The following ZNF787 variants were observed in gnomAD, a reference collection of about 807,000 sequenced individuals.
ZNF787 encodes zinc finger protein 787.
A neutral mutation model predicts 16.9 loss-of-function variants in ZNF787; 7 were observed. The ratio of observed to expected loss-of-function variants is 0.42; its 90% CI spans 0.24 to 0.78. The LOEUF is 0.78. Ranked by LOEUF, ZNF787 falls within the 30% of genes least tolerant of loss-of-function variation. The pLI is 0.30. For missense variants in ZNF787, 551 were observed against 589.3 expected (o/e 0.94, Z 0.67); for synonymous variants, 345 against 270.9 (o/e 1.27, Z -2.69).
chr19:56,100,448 T>C (rs1209857818), intron 2 of ZNF787, among the ~76,000 whole-genome samples: 1 of 152,164 alleles, frequency 6.6e-6, no homozygotes, highest in Non-Finnish European at 1.5e-5. Flanking sequence ...GCCTGGACGC[T>C]AATTCCGCAG....
rs1282455189 is a variant in ZNF787 at position 56,098,785 on chromosome 19, G to T, written c.79+4354C>A. Among the ~76,000 whole-genome samples, 4 of 140,578 alleles carry T rather than the reference G, an allele frequency of 2.8e-5. 1 individual carries two copies. Among genetic ancestry groups the T allele is most frequent in the Non-Finnish European group, 4.7e-5 (3 of 63,326 alleles). 92.2% of individuals were successfully genotyped at this position (140,578 alleles called of 152,430 possible). ...TGGAGCCTAGGTGATATGGCCACCGGGTGATTACGGCCGCAGGGTGATGCT... is the reference window on the plus strand; with the variant it reads ...TGGAGCCTAGGTGATATGGCCACCGTGTGATTACGGCCGCAGGGTGATGCT... On this transcript the variant is annotated intron_variant, in intron 2 of 2. Coordinates refer to ENST00000610935, the MANE Select transcript of ZNF787 (RefSeq NM_001002836.4).
At chr19:56,100,819 C>A (rs1986064796) in intron 2 of ZNF787, among the ~76,000 whole-genome samples, 1 of 149,758 alleles carries the variant, frequency 6.7e-6, no homozygotes, top group Admixed American at 6.7e-5. Flanking sequence ...GCCAGGCCAA[C>A]CCCCGCCACT....
At chr19:56,108,974 G>T (rs192165056) in intron 1 of ZNF787, among the ~76,000 whole-genome samples, 1 of 152,076 alleles carries the variant, frequency 6.6e-6, no homozygotes, top group Non-Finnish European at 1.5e-5. Flanking sequence ...GTGAGGTTCC[G>T]AATGGGGAAA....
Position 56,088,425 on chromosome 19 carries a change from C to A in ZNF787, c.747G>T (p.Pro249=). The A allele has an allele frequency of 8.6e-7, 1 of 1,168,858 alleles. No homozygotes were observed. The highest frequency in any genetic ancestry group is 3.5e-5 in the South Asian group (1 of 28,278). The allele number at this position is 1,168,858 out of a possible 1,614,324, so 72.4% of individuals were successfully genotyped here. A position where few individuals can be genotyped will look rare whatever the true frequency, so the allele number is the denominator to read the frequency against. The change falls in exon 3 of 3, where the codon CCG becomes CCT. Residue 249 remains proline, a synonymous_variant. Transcript: ENST00000610935. This position sits in a 1 kb window ranked among gnomAD's most constrained non-coding sequence, Gnocchi z 8.6. The stretch of plus-strand genomic sequence containing the variant: ...CTGCCGCGGCCGCGGCCCCCTCGCC[C>A]GGCGCGCCCACCACGATGATGCCCT... The part of the protein sequence containing the change: ...DGEGIIVVGA[P]GEGAAAAAAM...
At chr19:56,092,015 A>AGCC (rs1226836021) in intron 2 of ZNF787, among the ~76,000 whole-genome samples, 2 of 83,948 alleles carry the variant, frequency 2.4e-5, no homozygotes, top group Non-Finnish European at 6.0e-5. Context: ...CCAAAGCCGA[A>AGCC]ACCGAAGCCG....
chr19:56,118,671 G>A (rs1456080772), intron 1 of ZNF787, among the ~76,000 whole-genome samples: 3 of 152,116 alleles, frequency 2.0e-5, no homozygotes, highest in East Asian at 1.9e-4. Context: ...AAGTGTTGTC[G>A]AATCTGCAGT....
chr19:56,111,114 T>TA (rs1189232234), intron 1 of ZNF787, among the ~76,000 whole-genome samples: 1 of 152,240 alleles, frequency 6.6e-6, no homozygotes, highest in African/African-American at 2.4e-5. Flanking sequence ...CTAAAATGTT[T>TA]ACTATGTGGC....
rs1439540748 is a variant in ZNF787, at chr19:56,087,958, C to CT, written c.*64dup. On this transcript the variant is annotated 3_prime_UTR_variant, in exon 3 of 3. Coordinates refer to ENST00000610935, the MANE Select transcript of ZNF787 (RefSeq NM_001002836.4). The stretch of plus-strand genomic sequence containing the variant: ...TCCGCTTCTCCCTGGGTCTCTTGGT[C>CT]TTGCACGTCGTCGCTCCCGCCAAGC... The CT allele has an allele frequency of 7.7e-7, 1 of 1,298,194 alleles. No homozygotes were observed. The highest frequency in any genetic ancestry group is 1.6e-5 in the African/African-American group (1 of 62,980). 80.4% of individuals were successfully genotyped at this position (1,298,194 alleles called of 1,614,324 possible).
intron 2 of ZNF787, among the ~76,000 whole-genome samples, chr19:56,100,522 G>A (rs1050677195): frequency 6.6e-6 from 1 of 152,022 alleles, no homozygotes; most frequent in Admixed American, 6.5e-5. Context: ...TGGCGGGCAT[G>A]CTCCCCTGCC....
intron 1 of ZNF787, among the ~76,000 whole-genome samples, chr19:56,115,999 T>C (rs1224971927): frequency 2.0e-5 from 3 of 152,138 alleles, no homozygotes; most frequent in Non-Finnish European, 2.9e-5. Flanking sequence ...CAGGTGTCCG[T>C]GTAGGTTCAT....
intron 1 of ZNF787, chr19:56,105,421 G>A (rs1986264867): frequency 6.6e-6 from 1 of 152,310 alleles, no homozygotes; most frequent in Middle Eastern, 3.4e-3. Context: ...CGTCCTGCCG[G>A]CCTGAGTGCA....
chr19:56,088,092 C>T lies in ZNF787; in HGVS notation c.1080G>A (p.Glu360=), dbSNP rs1227269493. The T allele has an allele frequency of 1.3e-6, 2 of 1,515,356 alleles. No individual in the cohort carries two copies. The highest frequency in any genetic ancestry group is 1.4e-5 in the African/African-American group (1 of 69,124). The allele number at this position is 1,515,356 out of a possible 1,614,324, so 93.9% of individuals were successfully genotyped here. A position where few individuals can be genotyped will look rare whatever the true frequency, so the allele number is the denominator to read the frequency against. ...CGQSYYRAGG[E]EEDDDDEAAG... ...CGGCCTCGTCGTCGTCGTCCTCCTC[C>T]TCCCCGCCCGCGCGGTAGTAGCTCT... Residue 360 remains glutamate, a synonymous_variant, in exon 3 of 3, where the codon GAG becomes GAA. Transcript: ENST00000610935. This position sits in a 1 kb window ranked among gnomAD's most constrained non-coding sequence, Gnocchi z 8.6.
chr19:56,110,749 G>A (rs1021321507), intron 1 of ZNF787, among the ~76,000 whole-genome samples: 7 of 152,240 alleles, frequency 4.6e-5, no homozygotes, highest in Non-Finnish European at 7.3e-5. Flanking sequence ...GCAGGGTGAA[G>A]GCCTTGACCA....
Position 56,088,026 on chromosome 19 carries a change from C to T in ZNF787, c.1146G>A (p.Arg382=). Residue 382 remains arginine (R), a synonymous_variant, in exon 3 of 3, where the codon CGG becomes CGA. Coordinates refer to ENST00000610935, the MANE Select transcript of ZNF787 (RefSeq NM_001002836.4). This position sits in a 1 kb window ranked among gnomAD's most constrained non-coding sequence, Gnocchi z 8.6. The part of the protein sequence containing the change: ...RCPECRGGEG[R] ...CCCCCCCCCCCGGGCCCCTCCCCTA[C>T]CGGCCCTCCCCACCGCGGCACTCGG... is the stretch of plus-strand genomic sequence containing the variant. 4.9e-6 allele frequency: 6 copies of T among 1,235,142 alleles called. No individual in the cohort carries two copies. Among genetic ancestry groups the T allele is most frequent in the Non-Finnish European group, 6.1e-6 (6 of 984,990 alleles). 76.5% of individuals were successfully genotyped at this position (1,235,142 alleles called of 1,614,324 possible). A position where few individuals can be genotyped will look rare whatever the true frequency, so the allele number is the denominator to read the frequency against.
rs1170257969 is a variant in ZNF787, at chr19:56,088,151, C to G, written c.1021G>C (p.Val341Leu). Residue 341 changes from valine to leucine, a missense_variant, in exon 3 of 3, where the codon GTG becomes CTG. Val to Leu is a conservative substitution (Grantham distance 32). This residue lies in a region of ZNF787 where 392 missense variants were observed against 312.7 expected (regional missense o/e 1.25). Transcript: ENST00000610935. The surrounding 1 kb of genome is among the most constrained non-coding windows in gnomAD (Gnocchi z 8.6). ...ALRRHKKIHA[V>L]GAPSVCSSCG... ...CTGCTGCAGACCGAGGGCGCGCCCACCGCGTGGATCTTCTTGTGTCTCCGG... is the reference window on the plus strand; with the variant it reads ...CTGCTGCAGACCGAGGGCGCGCCCAGCGCGTGGATCTTCTTGTGTCTCCGG... 6.4e-7 allele frequency: 1 copy of G among 1,555,142 alleles called. No individual in the cohort carries two copies. The highest frequency in any genetic ancestry group is 8.7e-7 in the Non-Finnish European group (1 of 1,155,822).
chr19:56,098,102 C>T (rs569918179), intron 2 of ZNF787, among the ~76,000 whole-genome samples: 2 of 152,194 alleles, frequency 1.3e-5, no homozygotes, highest in East Asian at 3.9e-4. Flanking sequence ...GGGGCCCATA[C>T]AGCTCCATGG....
intron 2 of ZNF787, chr19:56,101,864 G>C (rs1326885813): frequency 6.6e-6 from 1 of 152,240 alleles, no homozygotes; most frequent in Admixed American, 6.5e-5. Context: ...GGATGTATGC[G>C]AGGGAGAAGG....
chr19:56,107,551 C>T (rs537425), intron 1 of ZNF787, among the ~76,000 whole-genome samples: 135,479 of 151,504 alleles, frequency 0.89, 61,442 homozygotes, highest in Non-Finnish European at 0.99. Flanking sequence ...CCAGGAGACA[C>T]GGGGTCACAG....
chr19:56,121,044 C>A (rs1428036897), intron 1 of ZNF787, 128 bp downstream of exon 1: 5 of 133,480 alleles, frequency 3.7e-5, no homozygotes, highest in Non-Finnish European at 8.2e-5. Context: ...CCCAGCAGCG[C>A]GCACGCGCGC....
Sources: gnomAD v4.1 joint callset for allele counts (sites outside exome capture counted in the v4.1 genomes callset) on GRCh38, gnomAD v4.1.1 for gene constraint, gnomAD v4.1.1 regional missense constraint, Gnocchi (gnomAD v3.1) non-coding constraint, MANE v1.5 for transcripts, NCBI Gene and HGNC (gene_info 2026-07-23, HGNC 2026-07-21) for gene names.